KIAA1217: variants seen among roughly 807,000 people sequenced by gnomAD.
The protein encoded by KIAA1217 is sickle tail protein homolog.
KIAA1217 carries 88 observed loss-of-function variants against 163.9 expected under a neutral mutation model. The observed-to-expected ratio is 0.54, with a 90% CI of 0.45 to 0.64. The LOEUF (loss-of-function observed/expected upper bound fraction) is 0.64, where lower values mean the gene tolerates loss of function less well. Ranked by LOEUF, KIAA1217 falls within the 30% of genes least tolerant of loss-of-function variation. KIAA1217 has a pLI of 0.00. For missense variants in KIAA1217, 2,372 were observed against 2,475.0 expected (o/e 0.96, Z 0.88); for synonymous variants, 903 against 923.1 (o/e 0.98, Z 0.39).
At chr10:24,290,220 G>T (rs1358334141) in intron 2 of KIAA1217, among the ~76,000 whole-genome samples, 1 of 152,102 alleles carries the variant, frequency 6.6e-6, no homozygotes, top group Non-Finnish European at 1.5e-5. Flanking sequence ...GAGAGTGGAA[G>T]TAGAACTCCC....
At chr10:23,795,995 T>C (rs941685005) in intron 1 of KIAA1217, among the ~76,000 whole-genome samples, 5 of 152,334 alleles carry the variant, frequency 3.3e-5, no homozygotes, top group Middle Eastern at 3.4e-3. Flanking sequence ...GAATTTCCCT[T>C]GAAAGAACTC....
chr10:23,840,082 T>A (rs190780465), intron 1 of KIAA1217, among the ~76,000 whole-genome samples: 21 of 152,238 alleles, frequency 1.4e-4, no homozygotes, highest in African/African-American at 4.6e-4. Context: ...CTCCTTAAGT[T>A]CTGTCCACAT....
intron 5 of KIAA1217, among the ~76,000 whole-genome samples, chr10:24,439,614 T>G (rs2060323718): frequency 6.6e-6 from 1 of 151,910 alleles, no homozygotes; most frequent in South Asian, 2.1e-4. Flanking sequence ...CCAGCAGGTA[T>G]GCATTCTTTT....
chr10:24,064,658 A>G (rs1193983633), intron 2 of KIAA1217, among the ~76,000 whole-genome samples: 1 of 152,142 alleles, frequency 6.6e-6, no homozygotes, highest in Non-Finnish European at 1.5e-5. Context: ...GGCCTCATAA[A>G]ATGAGTTAGG....
At chr10:23,782,531 C>G (rs1379146093) in intron 1 of KIAA1217, among the ~76,000 whole-genome samples, 4 of 152,184 alleles carry the variant, frequency 2.6e-5, no homozygotes, top group African/African-American at 9.6e-5. Flanking sequence ...CTCCCAGTCT[C>G]TAGTAATTCT....
At chr10:23,997,203 G>C (rs1408800000) in intron 1 of KIAA1217, among the ~76,000 whole-genome samples, 1 of 152,296 alleles carries the variant, frequency 6.6e-6, no homozygotes, top group Non-Finnish European at 1.5e-5. Flanking sequence ...TACTGTGAAA[G>C]AAGGATAAAA....
At chr10:23,912,874 A>G (rs1842493837) in intron 1 of KIAA1217, among the ~76,000 whole-genome samples, 1 of 152,166 alleles carries the variant, frequency 6.6e-6, no homozygotes, top group Admixed American at 6.5e-5. Context: ...TGGCTGCAGG[A>G]GGGGACCACA....
At chr10:23,729,285 A>G (rs2130783787) in intron 1 of KIAA1217, among the ~76,000 whole-genome samples, 1 of 152,286 alleles carries the variant, frequency 6.6e-6, no homozygotes, top group East Asian at 1.9e-4. Flanking sequence ...GTGTGAACAT[A>G]AGTTTTCATT....
Position 24,524,597 on chromosome 10 carries a change from C to A in KIAA1217, c.2731C>A (p.Pro911Thr), listed in dbSNP as rs774068931. ...VALLNPAQNLPHVASSPAVPQ... is the reference protein window; with the variant it reads ...VALLNPAQNLTHVASSPAVPQ... The stretch of plus-strand genomic sequence containing the variant: ...CCTGCTGAACCCTGCTCAGAACTTG[C>A]CTCACGTGGCCAGCTCCCCAGCCGT... Residue 911 changes from proline to threonine, a missense_variant, in exon 13 of 21, where the codon CCT (proline) becomes ACT (threonine). By Grantham distance (38) the Pro-to-Thr change is conservative (BLOSUM62 -1). Coordinates refer to ENST00000376454, the MANE Select transcript of KIAA1217 (RefSeq NM_019590.5). 1 of 1,614,034 alleles carries A rather than the reference C, an allele frequency of 6.2e-7. No homozygotes were observed. Among genetic ancestry groups the A allele is most frequent in the Non-Finnish European group, 8.5e-7 (1 of 1,180,020 alleles).
intron 1 of KIAA1217, among the ~76,000 whole-genome samples, chr10:23,953,351 G>C (rs1226982848): frequency 6.6e-6 from 1 of 152,198 alleles, no homozygotes; most frequent in Non-Finnish European, 1.5e-5. Context: ...GGAATCCAGG[G>C]TCCTTTCAGC....
chr10:24,423,430 G>A (rs1043107154), intron 3 of KIAA1217, among the ~76,000 whole-genome samples: 26 of 150,988 alleles, frequency 1.7e-4, no homozygotes, highest in Admixed American at 9.9e-4. Flanking sequence ...AATTACAGGC[G>A]CACACCACCA....
chr10:24,441,042 A>G (rs2060458017), intron 5 of KIAA1217, among the ~76,000 whole-genome samples: 1 of 152,236 alleles, frequency 6.6e-6, no homozygotes, highest in Admixed American at 6.5e-5. Context: ...CCAGCTGCAC[A>G]ACCCACTGCC....
At chr10:24,325,977 G>A (rs2044825582) in intron 2 of KIAA1217, among the ~76,000 whole-genome samples, 2 of 152,032 alleles carry the variant, frequency 1.3e-5, no homozygotes, top group Non-Finnish European at 2.9e-5. Flanking sequence ...ACTGAAATGA[G>A]CCCCAGCAAA....
At chr10:24,070,885 T>C (rs1171853552) in intron 2 of KIAA1217, among the ~76,000 whole-genome samples, 1 of 152,162 alleles carries the variant, frequency 6.6e-6, no homozygotes, top group Non-Finnish European at 1.5e-5. Flanking sequence ...TGTATATGGA[T>C]CACTAAAAGC....
At chr10:23,969,032 T>TTTTG (rs995871642) in intron 1 of KIAA1217, among the ~76,000 whole-genome samples, 5 of 152,130 alleles carry the variant, frequency 3.3e-5, no homozygotes, top group African/African-American at 4.8e-5. Context: ...TCTATGTTTT[T>TTTTG]TTTGTTTGTT....
At chr10:23,764,578 A>G (rs954088836) in intron 1 of KIAA1217, among the ~76,000 whole-genome samples, 7 of 152,230 alleles carry the variant, frequency 4.6e-5, no homozygotes, top group African/African-American at 1.7e-4. Context: ...GATAAAGAAA[A>G]TATGGTACGT....
chr10:24,198,193 G>A (rs149453448), intron 2 of KIAA1217, among the ~76,000 whole-genome samples: 146 of 152,294 alleles, frequency 9.6e-4, no homozygotes, highest in African/African-American at 3.3e-3. Context: ...ATTTCTGTCC[G>A]ATTCCAGAAG....
chr10:24,337,581 T>C (rs1409918230), intron 2 of KIAA1217, among the ~76,000 whole-genome samples: 1 of 151,724 alleles, frequency 6.6e-6, no homozygotes, highest in Non-Finnish European at 1.5e-5. Context: ...GTTTTTGTTT[T>C]GTGTGGTTTT....
intron 2 of KIAA1217, among the ~76,000 whole-genome samples, chr10:24,295,350 T>C (rs2132557173): frequency 1.3e-5 from 2 of 152,360 alleles, no homozygotes; most frequent in South Asian, 4.1e-4. Flanking sequence ...TGGATCATTA[T>C]TCAAGTAAGA....
Sources: gnomAD v4.1 joint callset for allele counts (sites outside exome capture counted in the v4.1 genomes callset) on GRCh38, gnomAD v4.1.1 for gene constraint, MANE v1.5 for transcripts, NCBI Gene and HGNC (gene_info 2026-07-23, HGNC 2026-07-21) for gene names.